The following PIEZO2 variants were observed in gnomAD, a reference collection of about 807,000 sequenced individuals.
PIEZO2 encodes piezo-type mechanosensitive ion channel component 2.
A neutral mutation model predicts 337.3 loss-of-function variants in PIEZO2; 172 were observed. The ratio of observed to expected loss-of-function variants is 0.51; its 90% CI spans 0.45 to 0.58. The LOEUF is 0.58. Ranked by LOEUF, PIEZO2 falls within the 20% of genes least tolerant of loss-of-function variation. PIEZO2 has a pLI of 0.00. For missense variants in PIEZO2, 3,028 were observed against 3,391.3 expected, an observed-to-expected ratio of 0.89 and a Z score of 2.66; for synonymous variants, 1,251 against 1,228.5, an observed-to-expected ratio of 1.02 and a Z score of -0.38.
In PIEZO2 at chr18:10,980,502, A is replaced by G. The variant is rs2034623533; in HGVS notation, c.161-842T>C. On this transcript the variant is annotated intron_variant, in intron 2 of 55. Coordinates refer to ENST00000674853, the MANE Select transcript of PIEZO2 (RefSeq NM_001378183.1). The surrounding 1 kb of genome is among the most constrained non-coding windows in gnomAD (Gnocchi z 4.8). The stretch of plus-strand genomic sequence containing the variant: ...TATGAATGCCACTAATTAACATATC[A>G]CTGGATGTACTGGTCAATGCCATAA... 6.6e-6 allele frequency among the ~76,000 whole-genome samples: 1 copy of G among 152,184 alleles called. No homozygotes were observed. The highest frequency in any genetic ancestry group is 2.4e-5 in the African/African-American group (1 of 41,450).
chr18:10,845,538 A>G (rs1376322981), intron 7 of PIEZO2, among the ~76,000 whole-genome samples: 1 of 152,190 alleles, frequency 6.6e-6, no homozygotes, highest in Non-Finnish European at 1.5e-5. Context: ...TTCCAGGGGG[A>G]ACATGGAACT....
intron 11 of PIEZO2, among the ~76,000 whole-genome samples, chr18:10,799,992 T>G (rs2039751901): frequency 7.4e-6 from 1 of 135,188 alleles, no homozygotes. Context: ...AAAAAAAAAT[T>G]CATATATTAA....
At position 10,724,552 on chromosome 18, in the gene PIEZO2, G is replaced by A; in HGVS notation, c.5030-6293C>T. 3 of 545,224 alleles carry A rather than the reference G, an allele frequency of 5.5e-6. No homozygotes were observed. Among genetic ancestry groups the A allele is most frequent in the Admixed American group, 3.5e-5 (1 of 28,532 alleles). The allele number at this position is 545,224 out of a possible 1,614,324, so 33.8% of individuals were successfully genotyped here. On this transcript the variant is annotated intron_variant, in intron 36 of 55. Coordinates refer to ENST00000674853, the MANE Select transcript of PIEZO2 (RefSeq NM_001378183.1). This position sits in a 1 kb window ranked among gnomAD's most constrained non-coding sequence, Gnocchi z 5.8. The stretch of plus-strand genomic sequence containing the variant: ...CATGCTGGTCTCCACATACCCTTCT[G>A]TGTCCCCAGAAGTCGACAGTGTGGG...
chr18:11,079,935 T>TAAAAA (rs1236986533), intron 1 of PIEZO2, among the ~76,000 whole-genome samples: 1 of 152,132 alleles, frequency 6.6e-6, no homozygotes, highest in Non-Finnish European at 1.5e-5. Context: ...ATGCAACAAG[T>TAAAAA]AAAAAAACTA....
chr18:11,026,071 C>G (rs562781121), intron 2 of PIEZO2, among the ~76,000 whole-genome samples: 1 of 152,256 alleles, frequency 6.6e-6, no homozygotes, highest in South Asian at 2.1e-4. Flanking sequence ...TAGTTCAGAT[C>G]AGGAGCACGC....
chr18:10,786,732 G>A (rs1029913701), intron 16 of PIEZO2, among the ~76,000 whole-genome samples: 2 of 152,210 alleles, frequency 1.3e-5, no homozygotes, highest in African/African-American at 4.8e-5. Context: ...CTTAAGAACT[G>A]AAGAACTGAG....
At chr18:10,896,326 C>T (rs1011908617) in intron 4 of PIEZO2, among the ~76,000 whole-genome samples, 5 of 152,080 alleles carry the variant, frequency 3.3e-5, no homozygotes, top group Non-Finnish European at 5.9e-5. Context: ...GAGGCCTGAC[C>T]ATTGGGTTTC....
chr18:10,764,686 C>T (rs2038280867), intron 21 of PIEZO2, among the ~76,000 whole-genome samples: 2 of 152,122 alleles, frequency 1.3e-5, no homozygotes, highest in South Asian at 2.1e-4. Context: ...TACTCTTCTG[C>T]TCAACTATTT....
chr18:11,122,596 GA>G (rs1277971101), intron 1 of PIEZO2, among the ~76,000 whole-genome samples: 1 of 152,074 alleles, frequency 6.6e-6, no homozygotes, highest in Non-Finnish European at 1.5e-5. Flanking sequence ...GTTCTGAAAT[GA>G]ATTTTTCAAA....
At position 11,149,392 on chromosome 18, in the gene PIEZO2, C is replaced by T. The variant is rs545379193; in HGVS notation, c.-804G>A. On this transcript the variant is annotated 5_prime_UTR_variant, in exon 1 of 56. Coordinates refer to ENST00000674853, the MANE Select transcript of PIEZO2 (RefSeq NM_001378183.1). This position sits in a 1 kb window ranked among gnomAD's most constrained non-coding sequence, Gnocchi z 8.7. ...CGCGAGCGTGGGGAGAAATGGAGAC[C>T]AGAGCGCATATCGGGTGAGTGGGTC... Among the ~76,000 whole-genome samples the T allele has an allele frequency of 1.3e-5, 2 of 152,154 alleles. No homozygotes were observed. Among genetic ancestry groups the T allele is most frequent in the Admixed American group, 1.3e-4 (2 of 15,294 alleles).
chr18:11,142,255 T>C (rs1017962485), intron 1 of PIEZO2, among the ~76,000 whole-genome samples: 2 of 152,242 alleles, frequency 1.3e-5, no homozygotes, highest in African/African-American at 2.4e-5. Flanking sequence ...AAGCTATACG[T>C]TGCTGTTAAA....
In PIEZO2 at chr18:10,713,903, T is replaced by C. The variant is rs571886723; in HGVS notation, c.5423+861A>G. Among the ~76,000 whole-genome samples the C allele has an allele frequency of 2.4e-4, 36 of 151,992 alleles. No homozygotes were observed. Among genetic ancestry groups the C allele is most frequent in the African/African-American group, 8.0e-4 (33 of 41,396 alleles). On this transcript the variant is annotated intron_variant, in intron 39 of 55. Transcript: ENST00000674853. This position sits in a 1 kb window ranked among gnomAD's most constrained non-coding sequence, Gnocchi z 4.5. ...TTTAGAATCTAGCTCTGTACAATTG[T>C]TATCAGCTATCTAGAACACTGTGAT... is the stretch of plus-strand genomic sequence containing the variant.
chr18:10,691,142 C>G (rs1047240292), intron 48 of PIEZO2, 83 bp downstream of exon 48: 2 of 1,458,484 alleles, frequency 1.4e-6, no homozygotes, highest in African/African-American at 2.8e-5. Context: ...TCCTCTCCCC[C>G]TTACTTCCCA....
chr18:10,800,640 A>G (rs1012398434), intron 10 of PIEZO2, among the ~76,000 whole-genome samples, 165 bp from the exon 11 acceptor site: 4 of 152,248 alleles, frequency 2.6e-5, no homozygotes, highest in African/African-American at 7.2e-5. Flanking sequence ...GGAATCTTGT[A>G]CATTCCCTCT....
chr18:11,034,326 A>C lies in PIEZO2; in HGVS notation c.160+31801T>G, dbSNP rs562086541. ...TTTTTTTTTCTTTTTGGCGGCGTCT[A>C]GCTCTGTCGCCCAGGCTGGAGTGCA... On this transcript the variant is annotated intron_variant, in intron 2 of 55. Transcript: ENST00000674853. Among the ~76,000 whole-genome samples, 8 of 149,634 alleles carry C rather than the reference A, an allele frequency of 5.3e-5. No individual in the cohort carries two copies. In the South Asian group the frequency reaches 1.3e-3, roughly 24 times the overall value.
chr18:10,817,836 T>A (rs1285220570), intron 7 of PIEZO2, among the ~76,000 whole-genome samples: 1 of 149,584 alleles, frequency 6.7e-6, no homozygotes, highest in African/African-American at 2.5e-5. Context: ...GGCAGGAGAA[T>A]CACTTGAACC....
chr18:10,729,125 T>C (rs1208126020), intron 36 of PIEZO2, among the ~76,000 whole-genome samples: 1 of 152,168 alleles, frequency 6.6e-6, no homozygotes, highest in African/African-American at 2.4e-5. Flanking sequence ...ACCTCTTTAC[T>C]GTTTGACCTG....
intron 7 of PIEZO2, among the ~76,000 whole-genome samples, chr18:10,808,810 T>G (rs780741441): frequency 6.6e-6 from 1 of 152,210 alleles, no homozygotes; most frequent in Non-Finnish European, 1.5e-5. Flanking sequence ...TACACAGAAC[T>G]GAAAGCTTTT....
At chr18:10,897,333 C>T (rs910441831) in intron 4 of PIEZO2, among the ~76,000 whole-genome samples, 3 of 152,088 alleles carry the variant, frequency 2.0e-5, no homozygotes, top group Non-Finnish European at 4.4e-5. Flanking sequence ...ATTACAGGTG[C>T]CCAACACCAT....
Sources: allele counts gnomAD v4.1 joint callset (sites outside exome capture counted in the v4.1 genomes callset), GRCh38; gene constraint gnomAD v4.1.1; non-coding constraint Gnocchi (gnomAD v3.1); transcripts MANE v1.5; gene names NCBI Gene and HGNC (gene_info 2026-07-23, HGNC 2026-07-21).